The following AUTS2 variants were observed in gnomAD, a reference collection of about 807,000 sequenced individuals.
The protein encoded by AUTS2 is autism susceptibility gene 2 protein.
In AUTS2, 17 loss-of-function variants were observed where a neutral mutation model predicts 112.4. The observed-to-expected ratio is 0.15, with a 90% CI of 0.10 to 0.23. AUTS2 has a LOEUF of 0.23. Ranked by LOEUF, AUTS2 falls within the 10% of genes least tolerant of loss-of-function variation. AUTS2 has a pLI of 1.00. For synonymous variants in AUTS2, 751 were observed against 702.7 expected (o/e 1.07, Z -1.09); for missense variants, 1,510 against 1,701.6 (o/e 0.89, Z 1.98).
intron 5 of AUTS2, among the ~76,000 whole-genome samples, chr7:70,684,674 G>C (rs1484508181): frequency 2.0e-5 from 3 of 151,934 alleles, no homozygotes; most frequent in African/African-American, 4.8e-5. Context: ...GTGTGGTATG[G>C]TGTGTTGTGG....
intron 1 of AUTS2, among the ~76,000 whole-genome samples, chr7:69,890,592 G>A (rs1794475927): frequency 6.6e-6 from 1 of 151,848 alleles, no homozygotes; most frequent in African/African-American, 2.4e-5. Context: ...CTCATGGGAG[G>A]GGATGTAGCC....
At chr7:70,680,315 A>C (rs1808142315) in intron 5 of AUTS2, among the ~76,000 whole-genome samples, 1 of 152,188 alleles carries the variant, frequency 6.6e-6, no homozygotes, top group African/African-American at 2.4e-5. Flanking sequence ...TGTGCATTTT[A>C]ATGGTGAAGA....
chr7:70,177,233 T>G (rs922254439), intron 4 of AUTS2, among the ~76,000 whole-genome samples: 1 of 152,244 alleles, frequency 6.6e-6, no homozygotes, highest in African/African-American at 2.4e-5. Context: ...TAAGCATGTT[T>G]CAAGTAATAA....
At chr7:70,505,716 T>C (rs1585229323) in intron 5 of AUTS2, among the ~76,000 whole-genome samples, 2 of 152,244 alleles carry the variant, frequency 1.3e-5, no homozygotes, top group East Asian at 3.9e-4. Context: ...GCAGGCCACC[T>C]CAGACAGAAA....
At chr7:70,047,199 T>C (rs1424950398) in intron 2 of AUTS2, among the ~76,000 whole-genome samples, 1 of 152,246 alleles carries the variant, frequency 6.6e-6, no homozygotes, top group Non-Finnish European at 1.5e-5. Context: ...AAAACTCTTA[T>C]ACAGGCCAGT....
At chr7:70,703,507 A>G (rs1055328360) in intron 6 of AUTS2, among the ~76,000 whole-genome samples, 2 of 151,330 alleles carry the variant, frequency 1.3e-5, no homozygotes, top group African/African-American at 2.4e-5. Context: ...AAAAAAAAAA[A>G]AAAAAGGCCT....
intron 5 of AUTS2, among the ~76,000 whole-genome samples, chr7:70,589,570 G>A (rs1011011503): frequency 1.3e-5 from 2 of 152,092 alleles, no homozygotes; most frequent in Admixed American, 6.5e-5. Flanking sequence ...AAAAATTAGC[G>A]GGATGCGGTG....
intron 1 of AUTS2, among the ~76,000 whole-genome samples, chr7:69,856,738 A>G (rs1792741755): frequency 6.6e-6 from 1 of 152,170 alleles, no homozygotes; most frequent in Non-Finnish European, 1.5e-5. Context: ...AGTTTTCTGA[A>G]CAAGAAAATA....
intron 5 of AUTS2, among the ~76,000 whole-genome samples, chr7:70,439,538 C>CA (rs71077657): frequency 0.17 from 12,196 of 71,844 alleles, 973 homozygotes; most frequent in Middle Eastern, 0.22. Context: ...GACTCCATCT[C>CA]AAAAAAAAAA....
chr7:70,185,921 T>C (rs1397763980), intron 4 of AUTS2, among the ~76,000 whole-genome samples: 1 of 152,216 alleles, frequency 6.6e-6, no homozygotes, highest in Non-Finnish European at 1.5e-5. Flanking sequence ...GAAAAAGTGT[T>C]GTATAAACTA....
chr7:70,508,429 C>T (rs753636703), intron 5 of AUTS2, among the ~76,000 whole-genome samples: 18 of 152,280 alleles, frequency 1.2e-4, no homozygotes, highest in Non-Finnish European at 1.8e-4. Context: ...TAACAGGCAT[C>T]TTAATTTTGC....
chr7:70,603,794 C>G (rs1385008289), intron 5 of AUTS2, among the ~76,000 whole-genome samples: 1 of 152,204 alleles, frequency 6.6e-6, no homozygotes, highest in African/African-American at 2.4e-5. Flanking sequence ...GCTTTCTTCT[C>G]TTAATGAAGA....
chr7:70,786,172 C>T (rs1791461634), intron 17 of AUTS2, 134 bp downstream of exon 17: 1 of 709,554 alleles, frequency 1.4e-6, no homozygotes, highest in East Asian at 2.9e-5. Context: ...ACTGCAAAAG[C>T]AGGCCTTCAC....
At chr7:70,218,334 T>A (rs987915384) in intron 4 of AUTS2, among the ~76,000 whole-genome samples, 1 of 152,212 alleles carries the variant, frequency 6.6e-6, no homozygotes, top group African/African-American at 2.4e-5. Context: ...GGAGAATGAT[T>A]TGCCCAACCT....
intron 4 of AUTS2, among the ~76,000 whole-genome samples, chr7:70,234,021 G>T (rs1812191477): frequency 1.3e-5 from 2 of 152,178 alleles, no homozygotes; most frequent in Non-Finnish European, 2.9e-5. Context: ...CAAAGCTCAT[G>T]GCTGAAGTCA....
intron 2 of AUTS2, among the ~76,000 whole-genome samples, chr7:70,008,740 A>G (rs1357410815): frequency 2.0e-5 from 3 of 152,168 alleles, no homozygotes; most frequent in Admixed American, 6.5e-5. Context: ...AAATTTTGAA[A>G]ATTGAGATTT....
intron 3 of AUTS2, among the ~76,000 whole-genome samples, chr7:70,128,470 T>TG (rs2129574369): frequency 6.6e-6 from 1 of 152,286 alleles, no homozygotes; most frequent in South Asian, 2.1e-4. Context: ...GGCCTTTCTG[T>TG]GTAGGTGACA....
chr7:69,889,410 T>C (rs1467006693), intron 1 of AUTS2, among the ~76,000 whole-genome samples: 1 of 152,222 alleles, frequency 6.6e-6, no homozygotes, highest in Non-Finnish European at 1.5e-5. Context: ...AAAAAATGAA[T>C]AATGGTTGTT....
chr7:69,699,908 G>C (rs1004045472), intron 1 of AUTS2, among the ~76,000 whole-genome samples: 2 of 152,156 alleles, frequency 1.3e-5, no homozygotes, highest in African/African-American at 2.4e-5. Context: ...GCCTCCCAAA[G>C]TGCTGGGATT....
Sources: allele counts gnomAD v4.1 joint callset (sites outside exome capture counted in the v4.1 genomes callset), GRCh38; gene constraint gnomAD v4.1.1; transcripts MANE v1.5; gene names NCBI Gene and HGNC (gene_info 2026-07-23, HGNC 2026-07-21).